The following SPTBN1 variants were observed in gnomAD, a reference collection of about 807,000 sequenced individuals.
SPTBN1 encodes spectrin beta, non-erythrocytic 1.
SPTBN1 carries 32 observed loss-of-function variants against 266.4 expected under a neutral mutation model. That is an observed-to-expected ratio of 0.12 (90% CI 0.09 to 0.16). The LOEUF (loss-of-function observed/expected upper bound fraction) is 0.16, where lower values mean the gene tolerates loss of function less well. SPTBN1 is among the 10% of genes least tolerant of loss of function. SPTBN1 has a pLI of 1.00. For synonymous variants in SPTBN1, 1,336 were observed against 1,162.2 expected (o/e 1.15, Z -3.04); for missense variants, 2,296 against 3,067.1 (o/e 0.75, Z 5.94).
Position 54,649,870 on chromosome 2 carries a change from C to A in SPTBN1, c.5458C>A (p.Arg1820Ser), listed in dbSNP as rs778764930. The A allele has an allele frequency of 6.2e-7, 1 of 1,614,118 alleles. No homozygotes were observed. Among genetic ancestry groups the A allele is most frequent in the Admixed American group, 1.7e-5 (1 of 60,004 alleles). The change falls in exon 26 of 36, where the codon CGT (arginine) becomes AGT (serine). Residue 1820 changes from arginine (R) to serine (S), a missense_variant. By Grantham distance (110) the Arg-to-Ser change is moderately radical (BLOSUM62 -1). Transcript: ENST00000356805. This position sits in a 1 kb window ranked among gnomAD's most constrained non-coding sequence, Gnocchi z 6.7. Reference protein sequence around the residue: ...FYHDAKEIFGRIQDKHKKLPE... With the variant: ...FYHDAKEIFGSIQDKHKKLPE... ...CCACGATGCCAAGGAGATCTTTGGGCGTATACAGGACAAACACAAGAAACT... is the reference window on the plus strand; with the variant it reads ...CCACGATGCCAAGGAGATCTTTGGGAGTATACAGGACAAACACAAGAAACT...
At position 54,626,192 on chromosome 2, in the gene SPTBN1, C is replaced by T. The variant is rs1179263213; in HGVS notation, c.1602C>T (p.Phe534=). ...LEMNLGLQKI[F]QEMLYIMDWM... The stretch of plus-strand genomic sequence containing the variant: ...TGAACCTGGGGCTGCAGAAGATATT[C>T]CAGGAAATGCTCTACATTATGGACT... Residue 534 remains phenylalanine (F), a synonymous_variant, in exon 12 of 36, where the codon TTC becomes TTT. Coordinates refer to ENST00000356805, the MANE Select transcript of SPTBN1 (RefSeq NM_003128.3). This position sits in a 1 kb window ranked among gnomAD's most constrained non-coding sequence, Gnocchi z 4.7. 2 of 1,614,122 alleles carry T rather than the reference C, an allele frequency of 1.2e-6. No homozygotes were observed. Among genetic ancestry groups the T allele is most frequent in the Non-Finnish European group, 1.7e-6 (2 of 1,180,026 alleles).
At chr2:54,594,779 C>G (rs59872827) in intron 2 of SPTBN1, among the ~76,000 whole-genome samples, 1 of 148,668 alleles carries the variant, frequency 6.7e-6, no homozygotes, top group Non-Finnish European at 1.5e-5. Context: ...TACATAACTT[C>G]TAAATCTTGT....
chr2:54,546,750 C>T (rs1672259948), intron 2 of SPTBN1: 1 of 152,130 alleles, frequency 6.6e-6, no homozygotes, highest in East Asian at 1.9e-4. Flanking sequence ...GGCAGGATTC[C>T]GAGTAAATAT....
intron 1 of SPTBN1, among the ~76,000 whole-genome samples, chr2:54,524,336 G>A (rs1218153436): frequency 6.6e-6 from 1 of 151,952 alleles, no homozygotes; most frequent in African/African-American, 2.4e-5. Context: ...ATGCCTGACT[G>A]AGCCTGTTTC....
chr2:54,494,221 A>G (rs1399795026), intron 1 of SPTBN1, among the ~76,000 whole-genome samples: 1 of 152,256 alleles, frequency 6.6e-6, no homozygotes, highest in Non-Finnish European at 1.5e-5. Context: ...TTCACATTAT[A>G]AAGTGACTCA....
At chr2:54,580,600 C>CA (rs5831313) in intron 2 of SPTBN1, among the ~76,000 whole-genome samples, 29,547 of 137,840 alleles carry the variant, frequency 0.21, 3,075 homozygotes, top group African/African-American at 0.29. Flanking sequence ...ACACTTTAAC[C>CA]AAAAAAAAAA....
chr2:54,604,120 C>CT (rs1437588157), intron 3 of SPTBN1, among the ~76,000 whole-genome samples: 1 of 152,204 alleles, frequency 6.6e-6, no homozygotes, highest in Non-Finnish European at 1.5e-5. Context: ...TCATTGGCCT[C>CT]TCTCAGTGCC....
At chr2:54,665,894 C>A in intron 33 of SPTBN1, 21 bp from the exon 34 acceptor site, 1 of 1,596,562 alleles carries the variant, frequency 6.3e-7, no homozygotes, top group South Asian at 1.1e-5. Context: ...CTCCCCCTGC[C>A]CTTTTTTTTA....
chr2:54,655,590 G>A (rs1356656680), intron 28 of SPTBN1, among the ~76,000 whole-genome samples: 1 of 152,256 alleles, frequency 6.6e-6, no homozygotes, highest in African/African-American at 2.4e-5. Context: ...GTGGCCCCCT[G>A]CATGGGAATG....
intron 1 of SPTBN1, among the ~76,000 whole-genome samples, chr2:54,504,183 C>G (rs1020260203): frequency 1.3e-5 from 2 of 152,190 alleles, no homozygotes; most frequent in Non-Finnish European, 2.9e-5. Context: ...GCCCCCACCT[C>G]CCCTCCTTCC....
intron 32 of SPTBN1, chr2:54,660,788 A>C: frequency 1.0e-6 from 1 of 985,366 alleles, no homozygotes; most frequent in Non-Finnish European, 1.2e-6. Context: ...CCTCAGGAGT[A>C]AAGTGCCCGC....
chr2:54,503,682 A>C (rs1669395483), intron 1 of SPTBN1, among the ~76,000 whole-genome samples: 1 of 152,312 alleles, frequency 6.6e-6, no homozygotes, highest in East Asian at 1.9e-4. Flanking sequence ...TAACACAGCA[A>C]TATTAAAAAC....
chr2:54,504,652 C>T (rs555429715), intron 1 of SPTBN1, among the ~76,000 whole-genome samples: 5 of 152,214 alleles, frequency 3.3e-5, no homozygotes, highest in African/African-American at 9.6e-5. Context: ...AATACTACAC[C>T]ATTTTATATA....
intron 1 of SPTBN1, among the ~76,000 whole-genome samples, chr2:54,469,707 T>C (rs2103851694): frequency 6.6e-6 from 1 of 152,318 alleles, no homozygotes; most frequent in Non-Finnish European, 1.5e-5. Context: ...GGGGCTGGAA[T>C]GTGGCCTTAG....
At chr2:54,650,640 A>G (rs182640255) in intron 26 of SPTBN1, among the ~76,000 whole-genome samples, 3 of 152,350 alleles carry the variant, frequency 2.0e-5, no homozygotes, top group South Asian at 2.1e-4. Flanking sequence ...GATTATGTCA[A>G]GGGTTCTTGT....
chr2:54,624,742 G>T (rs1312375879), intron 10 of SPTBN1, 62 bp from the exon 11 acceptor site: 2 of 1,602,352 alleles, frequency 1.2e-6, no homozygotes, highest in Non-Finnish European at 1.7e-6. Flanking sequence ...TGTAACCACG[G>T]AAGTTTCCTT....
chr2:54,508,671 T>C (rs1170600863), intron 1 of SPTBN1, among the ~76,000 whole-genome samples: 1 of 152,082 alleles, frequency 6.6e-6, no homozygotes, highest in Non-Finnish European at 1.5e-5. Flanking sequence ...GGGTGGAAGT[T>C]TCAGCGAGGG....
At chr2:54,576,811 T>C (rs534519644) in intron 2 of SPTBN1, among the ~76,000 whole-genome samples, 9 of 152,312 alleles carry the variant, frequency 5.9e-5, no homozygotes, top group Admixed American at 5.9e-4. Flanking sequence ...ACAGCCACGG[T>C]CTCAAATTAC....
intron 1 of SPTBN1, among the ~76,000 whole-genome samples, chr2:54,483,954 G>C (rs568993982): frequency 2.8e-4 from 43 of 152,260 alleles, no homozygotes; most frequent in Middle Eastern, 3.4e-3. Flanking sequence ...TAGCACTTTG[G>C]GGGGCTGAGG....
Sources: allele counts gnomAD v4.1 joint callset (sites outside exome capture counted in the v4.1 genomes callset), GRCh38; gene constraint gnomAD v4.1.1; non-coding constraint Gnocchi (gnomAD v3.1); transcripts MANE v1.5; gene names NCBI Gene and HGNC (gene_info 2026-07-23, HGNC 2026-07-21).